Variants in AGBL4 observed in about 807,000 individuals in gnomAD.
The protein encoded by AGBL4 is cytosolic carboxypeptidase 6.
AGBL4 carries 58 observed loss-of-function variants against 66.4 expected under a neutral mutation model. That is an observed-to-expected ratio of 0.87 (90% CI 0.71 to 1.09). AGBL4 has a LOEUF of 1.09. Among genes scored for constraint, AGBL4 ranks in the 50% least tolerant of loss-of-function variants. The pLI is 0.00. For missense variants in AGBL4, 579 were observed against 631.0 expected, an observed-to-expected ratio of 0.92 and a Z score of 0.88; for synonymous variants, 234 against 222.9, an observed-to-expected ratio of 1.05 and a Z score of -0.44.
chr1:49,126,670 C>G (rs1433795479), intron 4 of AGBL4, among the ~76,000 whole-genome samples: 2 of 152,070 alleles, frequency 1.3e-5, no homozygotes, highest in African/African-American at 4.8e-5. Context: ...ACTGTATAAT[C>G]AAGATTAGTC....
At chr1:48,796,458 T>A (rs963220012) in intron 6 of AGBL4, among the ~76,000 whole-genome samples, 2 of 148,056 alleles carry the variant, frequency 1.4e-5, no homozygotes, top group East Asian at 2.0e-4. Flanking sequence ...CTCTTTCCTT[T>A]AAGGAGCTCC....
At chr1:48,628,079 G>A (rs898142495) in intron 9 of AGBL4, among the ~76,000 whole-genome samples, 1 of 152,160 alleles carries the variant, frequency 6.6e-6, no homozygotes, top group Non-Finnish European at 1.5e-5. Flanking sequence ...TCATTCAACA[G>A]AATATTCTCT....
At chr1:49,469,660 T>C (rs1400796704) in intron 3 of AGBL4, 1 of 151,874 alleles carries the variant, frequency 6.6e-6, no homozygotes, top group East Asian at 1.9e-4. Context: ...CTAAACCAGA[T>C]AAAGTTTGTA....
chr1:49,432,716 T>C (rs1645813950), intron 3 of AGBL4, among the ~76,000 whole-genome samples: 1 of 152,214 alleles, frequency 6.6e-6, no homozygotes, highest in African/African-American at 2.4e-5. Flanking sequence ...AGTTGTTACA[T>C]TGTGAAACAT....
intron 3 of AGBL4, among the ~76,000 whole-genome samples, chr1:49,684,869 C>A (rs941193684): frequency 5.3e-5 from 8 of 152,092 alleles, no homozygotes; most frequent in African/African-American, 1.9e-4. Flanking sequence ...GACACCCAGC[C>A]CAATTAAAAG....
At chr1:49,358,053 C>A (rs1402843956) in intron 3 of AGBL4, among the ~76,000 whole-genome samples, 1 of 152,110 alleles carries the variant, frequency 6.6e-6, no homozygotes, top group East Asian at 1.9e-4. Flanking sequence ...CCATTAGCAA[C>A]CAGAGTAGCC....
intron 1 of AGBL4, among the ~76,000 whole-genome samples, chr1:49,965,273 G>T (rs1298090836): frequency 6.6e-6 from 1 of 152,120 alleles, no homozygotes; most frequent in East Asian, 1.9e-4. Context: ...CCTTCAGTGT[G>T]ACCCAAGACT....
chr1:49,140,694 T>A (rs1646100829), intron 4 of AGBL4, among the ~76,000 whole-genome samples: 1 of 152,240 alleles, frequency 6.6e-6, no homozygotes, highest in Admixed American at 6.5e-5. Flanking sequence ...GATAAGGACT[T>A]CTTGGATGTG....
At chr1:49,383,521 G>A (rs1197459299) in intron 3 of AGBL4, among the ~76,000 whole-genome samples, 3 of 152,072 alleles carry the variant, frequency 2.0e-5, no homozygotes, top group South Asian at 2.1e-4. Flanking sequence ...GCTTTGACAT[G>A]AGTGTCAAGG....
At chr1:48,811,453 T>C (rs1646047473) in intron 6 of AGBL4, among the ~76,000 whole-genome samples, 1 of 152,226 alleles carries the variant, frequency 6.6e-6, no homozygotes, top group South Asian at 2.1e-4. Context: ...TACAGTGGCT[T>C]CCTATTTTTA....
intron 6 of AGBL4, among the ~76,000 whole-genome samples, chr1:48,855,550 T>A (rs1248044370): frequency 1.3e-5 from 2 of 152,212 alleles, no homozygotes; most frequent in African/African-American, 4.8e-5. Flanking sequence ...ATTGGTACAA[T>A]CTTTCCGGAA....
intron 11 of AGBL4, chr1:48,584,762 G>A (rs1175930916): frequency 6.6e-6 from 1 of 152,114 alleles, no homozygotes; most frequent in African/African-American, 2.4e-5. Context: ...TCTTTTCCTG[G>A]GAAATCTTCC....
chr1:50,001,040 T>A (rs1402128701), intron 1 of AGBL4, among the ~76,000 whole-genome samples: 1 of 151,706 alleles, frequency 6.6e-6, no homozygotes, highest in Admixed American at 6.6e-5. Context: ...TTTAAAAAAT[T>A]AAAAATTAAA....
intron 3 of AGBL4, among the ~76,000 whole-genome samples, chr1:49,377,156 A>C (rs1206671233): frequency 2.0e-5 from 3 of 152,134 alleles, no homozygotes. Flanking sequence ...TATCATATGA[A>C]CACCTACTTT....
At chr1:49,674,800 C>CA (rs1413935546) in intron 3 of AGBL4, among the ~76,000 whole-genome samples, 1 of 152,006 alleles carries the variant, frequency 6.6e-6, no homozygotes, top group African/African-American at 2.4e-5. Context: ...TGATTAATCA[C>CA]AACTTGATAC....
chr1:49,472,947 G>A (rs1014381514), intron 3 of AGBL4, among the ~76,000 whole-genome samples: 5 of 151,922 alleles, frequency 3.3e-5, no homozygotes, highest in East Asian at 1.9e-4. Context: ...GCATTAATTC[G>A]CTTAGGATAG....
At chr1:49,080,074 A>G (rs1485183974) in intron 4 of AGBL4, among the ~76,000 whole-genome samples, 2 of 152,214 alleles carry the variant, frequency 1.3e-5, no homozygotes, top group Non-Finnish European at 2.9e-5. Context: ...ATCCCCAATT[A>G]AAGTCTAGAG....
chr1:49,941,161 CAAT>C (rs1654721074), intron 1 of AGBL4, among the ~76,000 whole-genome samples: 1 of 152,020 alleles, frequency 6.6e-6, no homozygotes, highest in Non-Finnish European at 1.5e-5. Context: ...CTGAACAGAC[CAAT>C]AACAAGTAGA....
At chr1:49,917,514 A>T (rs1651679472) in intron 1 of AGBL4, among the ~76,000 whole-genome samples, 1 of 152,206 alleles carries the variant, frequency 6.6e-6, no homozygotes, top group Non-Finnish European at 1.5e-5. Context: ...TAAAGGGATC[A>T]ATTCAACAAG....
Sources: gnomAD v4.1 joint callset for allele counts (sites outside exome capture counted in the v4.1 genomes callset) on GRCh38, gnomAD v4.1.1 for gene constraint, MANE v1.5 for transcripts, NCBI Gene and HGNC (gene_info 2026-07-23, HGNC 2026-07-21) for gene names.